The following IGSF5 variants were observed in gnomAD, a reference collection of about 807,000 sequenced individuals.
IGSF5 encodes immunoglobulin superfamily 5 like.
Under a neutral mutation model 39.4 loss-of-function variants are expected in IGSF5, and 41 were observed. The observed-to-expected ratio is 1.04, with a 90% confidence interval of 0.81 to 1.35. The LOEUF (loss-of-function observed/expected upper bound fraction) is 1.35. IGSF5 is among the 40% of genes most tolerant of loss of function. The pLI, the probability that IGSF5 is intolerant of heterozygous loss-of-function variation, is 0.00. For missense variants in IGSF5, 487 were observed against 494.6 expected (o/e 0.98, Z 0.15); for synonymous variants, 183 against 175.3 (o/e 1.04, Z -0.34).
chr21:39,751,696 G>A (rs373202320), intron 2 of IGSF5, among the ~76,000 whole-genome samples: 4 of 152,204 alleles, frequency 2.6e-5, no homozygotes, highest in African/African-American at 9.6e-5. Context: ...GGGTACAAAT[G>A]CAGTTTTGTT....
Position 39,799,154 on chromosome 21 carries a change from C to A in IGSF5, c.1129-2108C>A, listed in dbSNP as rs953326933. On this transcript the variant is annotated intron_variant, in intron 8 of 8. Transcript: ENST00000380588. ...CTCCACCTCTAAGCACCCTCTCCTG[C>A]CAATTTCTTCCCTGAACATGAGACT... Among the ~76,000 whole-genome samples, 4 of 152,200 alleles carry A rather than the reference C, an allele frequency of 2.6e-5. No homozygotes were observed. The East Asian group carries it at 7.7e-4, about 29-fold the overall frequency.
the IGSF5 span, among the ~76,000 whole-genome samples, chr21:39,723,301 G>T: frequency 1.6e-4 from 24 of 152,170 alleles, no homozygotes; most frequent in African/African-American, 5.8e-4. Flanking sequence ...AGGAGAGTCT[G>T]CCCTCAGTCT....
intron 3 of IGSF5, among the ~76,000 whole-genome samples, chr21:39,767,941 AAC>A (rs900053677): frequency 2.0e-5 from 3 of 152,234 alleles, no homozygotes; most frequent in African/African-American, 7.2e-5. Context: ...GGAGCAGGGA[AAC>A]ACAGGATCAC....
At chr21:39,750,426 T>C (rs888276644) in intron 2 of IGSF5, among the ~76,000 whole-genome samples, 4 of 149,602 alleles carry the variant, frequency 2.7e-5, no homozygotes, top group Non-Finnish European at 5.9e-5. Context: ...GAGGACTGCT[T>C]GAGCCTAGGA....
chr21:39,739,334 A>G, the IGSF5 span, among the ~76,000 whole-genome samples: 1 of 151,980 alleles, frequency 6.6e-6, no homozygotes, highest in African/African-American at 2.4e-5. Context: ...GGAGACCCAA[A>G]GGGGGTTGCC....
chr21:39,780,934 A>G (rs1296847288), intron 5 of IGSF5, among the ~76,000 whole-genome samples: 1 of 152,222 alleles, frequency 6.6e-6, no homozygotes, highest in East Asian at 1.9e-4. Context: ...TTTTCTAAAG[A>G]TCGGAGTTTT....
At chr21:39,717,697 T>A in the IGSF5 span, among the ~76,000 whole-genome samples, 1 of 152,218 alleles carries the variant, frequency 6.6e-6, no homozygotes, top group Non-Finnish European at 1.5e-5. Flanking sequence ...TCCATTGGTC[T>A]ATATGCCTGT....
At chr21:39,715,717 T>A in the IGSF5 span, among the ~76,000 whole-genome samples, 6 of 152,224 alleles carry the variant, frequency 3.9e-5, no homozygotes, top group South Asian at 1.0e-3. Flanking sequence ...TAGCTTGGAT[T>A]ATGGAAGTAT....
chr21:39,736,725 T>C, the IGSF5 span, among the ~76,000 whole-genome samples: 1 of 152,164 alleles, frequency 6.6e-6, no homozygotes, highest in Non-Finnish European at 1.5e-5. Flanking sequence ...TACTAAGGCA[T>C]ATGCATTGTT....
chr21:39,788,209 A>G (rs370522613), intron 6 of IGSF5, 21 bp downstream of exon 6: 259 of 1,563,124 alleles, frequency 1.7e-4, no homozygotes, highest in Non-Finnish European at 2.2e-4. Flanking sequence ...AACCACATCT[A>G]TTTTCTGAAA....
intron 8 of IGSF5, among the ~76,000 whole-genome samples, chr21:39,798,533 T>C (rs2087010634): frequency 1.3e-5 from 2 of 152,164 alleles, no homozygotes; most frequent in Non-Finnish European, 2.9e-5. Flanking sequence ...CCAGGTTACT[T>C]GTGCCCCCAT....
intron 4 of IGSF5, among the ~76,000 whole-genome samples, chr21:39,778,431 C>T (rs1734261897): frequency 6.6e-6 from 1 of 152,194 alleles, no homozygotes; most frequent in Non-Finnish European, 1.5e-5. Context: ...TGCTCTGCCT[C>T]ACCTTACCCT....
At chr21:39,747,546 A>G (rs973284696) in intron 2 of IGSF5, among the ~76,000 whole-genome samples, 1 of 152,244 alleles carries the variant, frequency 6.6e-6, no homozygotes, top group Non-Finnish European at 1.5e-5. Flanking sequence ...TTAATTACTT[A>G]GGAATGACGG....
the IGSF5 span, among the ~76,000 whole-genome samples, chr21:39,738,843 A>G: frequency 7.2e-5 from 11 of 152,136 alleles, no homozygotes; most frequent in South Asian, 1.7e-3. This position sits in a 1 kb window ranked among gnomAD's most constrained non-coding sequence, Gnocchi z 6.4. Flanking sequence ...ACATCTTCAC[A>G]AGGGAAATTT....
chr21:39,784,952 G>A (rs967435405), intron 5 of IGSF5, among the ~76,000 whole-genome samples: 1 of 151,748 alleles, frequency 6.6e-6, no homozygotes, highest in Non-Finnish European at 1.5e-5. Flanking sequence ...GCATTCTAGA[G>A]GGTCCCCAGG....
At chr21:39,775,827 C>T (rs1024464218) in intron 4 of IGSF5, among the ~76,000 whole-genome samples, 4 of 152,192 alleles carry the variant, frequency 2.6e-5, no homozygotes, top group Middle Eastern at 3.2e-3. Context: ...CAGACCAGCA[C>T]CCCACTGTAG....
intron 2 of IGSF5, among the ~76,000 whole-genome samples, chr21:39,764,796 G>T (rs547558550): frequency 3.9e-5 from 6 of 152,178 alleles, no homozygotes; most frequent in Non-Finnish European, 8.8e-5. Flanking sequence ...TGATGGGGTG[G>T]GCACAAACTA....
the IGSF5 span, among the ~76,000 whole-genome samples, chr21:39,738,920 C>A: frequency 6.6e-6 from 1 of 152,022 alleles, no homozygotes; most frequent in South Asian, 2.1e-4. The surrounding 1 kb of genome is among the most constrained non-coding windows in gnomAD (Gnocchi z 6.4). Flanking sequence ...CAGGATCTCA[C>A]TCTTCTCACC....
At chr21:39,797,667 C>T (rs2087004592) in intron 8 of IGSF5, among the ~76,000 whole-genome samples, 1 of 152,132 alleles carries the variant, frequency 6.6e-6, no homozygotes, top group African/African-American at 2.4e-5. Flanking sequence ...CGGGCACTTG[C>T]TGCCATGCCT....
Sources: gnomAD v4.1 joint callset for allele counts (sites outside exome capture counted in the v4.1 genomes callset) on GRCh38, gnomAD v4.1.1 for gene constraint, Gnocchi (gnomAD v3.1) non-coding constraint, MANE v1.5 for transcripts, NCBI Gene and HGNC (gene_info 2026-07-23, HGNC 2026-07-21) for gene names.